Variants in KAZN observed in about 807,000 individuals in gnomAD.
KAZN encodes the protein kazrin, periplakin interacting protein, also known as kazrin.
A neutral mutation model predicts 87.4 loss-of-function variants in KAZN; 40 were observed. That is an observed-to-expected ratio of 0.46 (90% CI 0.36 to 0.60). KAZN has a LOEUF of 0.60. Among genes scored for constraint, KAZN ranks in the 20% least tolerant of loss-of-function variants. The pLI, the probability that KAZN is intolerant of heterozygous loss-of-function variation, is 0.00. For missense variants in KAZN, 898 were observed against 1,073.9 expected (o/e 0.84, Z 2.29); for synonymous variants, 466 against 458.3 (o/e 1.02, Z -0.22).
intron 2 of KAZN, among the ~76,000 whole-genome samples, chr1:14,564,347 G>A (rs886580670): frequency 2.0e-5 from 3 of 152,082 alleles, no homozygotes; most frequent in Non-Finnish European, 4.4e-5. Context: ...CATAGTGCCT[G>A]GAGACAGATC....
rs1397170643 is a variant in KAZN, at chr1:14,599,554, A to G, written c.226+331A>G. On this transcript the variant is annotated intron_variant, in intron 1 of 14. Coordinates refer to ENST00000376030, the MANE Select transcript of KAZN (RefSeq NM_201628.3). The surrounding 1 kb of genome is among the most constrained non-coding windows in gnomAD (Gnocchi z 4.4). ...CCCCCTAGCTCCGTGCAAACTTTTC[A>G]TGCCGGGGCCTTTTCCCCACCCCCC... 6.6e-6 allele frequency among the ~76,000 whole-genome samples: 1 copy of G among 152,040 alleles called. No individual in the cohort carries two copies. The highest frequency in any genetic ancestry group is 6.5e-5 in the Admixed American group (1 of 15,282).
intron 2 of KAZN, among the ~76,000 whole-genome samples, chr1:14,199,737 C>G (rs1230696518): frequency 2.3e-4 from 35 of 152,304 alleles, no homozygotes; most frequent in Non-Finnish European, 1.0e-4. Flanking sequence ...ACCAAGAGAG[C>G]TTGCAGCAAA....
intron 2 of KAZN, among the ~76,000 whole-genome samples, chr1:14,974,404 T>C (rs1665397039): frequency 6.6e-6 from 1 of 152,152 alleles, no homozygotes; most frequent in Non-Finnish European, 1.5e-5. Context: ...TTTTAGGGGA[T>C]TGTAGGTACT....
intron 1 of KAZN, among the ~76,000 whole-genome samples, chr1:14,955,124 G>A (rs558604290): frequency 5.1e-4 from 78 of 152,248 alleles, no homozygotes; most frequent in Non-Finnish European, 6.5e-4. Flanking sequence ...GACAGTGACC[G>A]GCCCAAGGTC....
intron 1 of KAZN, among the ~76,000 whole-genome samples, chr1:14,909,850 C>T (rs1045082495): frequency 3.3e-5 from 5 of 152,016 alleles, no homozygotes; most frequent in Admixed American, 2.6e-4. Context: ...TTCAGGAGTT[C>T]GAGATCAGCG....
chr1:14,755,810 G>A (rs1410883729), intron 1 of KAZN, among the ~76,000 whole-genome samples: 3 of 152,306 alleles, frequency 2.0e-5, no homozygotes, highest in South Asian at 4.1e-4. Flanking sequence ...CTGGCCAAGT[G>A]GAGTGAACAT....
At chr1:14,863,001 G>A (rs1651043415) in intron 1 of KAZN, among the ~76,000 whole-genome samples, 3 of 152,162 alleles carry the variant, frequency 2.0e-5, no homozygotes, top group East Asian at 1.9e-4. Flanking sequence ...GCTGAGATTC[G>A]GTCTTAGGGC....
At chr1:14,145,142 C>T (rs901788656) in intron 1 of KAZN, among the ~76,000 whole-genome samples, 17 of 152,196 alleles carry the variant, frequency 1.1e-4, no homozygotes, top group Non-Finnish European at 2.5e-4. Flanking sequence ...TCAATGTTCT[C>T]TTCCCTTACA....
intron 1 of KAZN, among the ~76,000 whole-genome samples, chr1:13,943,462 A>G (rs1009733): frequency 0.81 from 122,909 of 151,782 alleles, 49,858 homozygotes; most frequent in South Asian, 0.93. Context: ...ATTTTTTAAA[A>G]AAAATAATAA....
chr1:14,237,765 T>A (rs7544219), intron 2 of KAZN, among the ~76,000 whole-genome samples: 15,249 of 152,106 alleles, frequency 0.1, 1,665 homozygotes, highest in African/African-American at 0.26. Flanking sequence ...TCATAGTGGG[T>A]TGAACCAGAG....
At chr1:14,302,017 C>T (rs886537453) in intron 2 of KAZN, among the ~76,000 whole-genome samples, 3 of 152,212 alleles carry the variant, frequency 2.0e-5, no homozygotes, top group Non-Finnish European at 4.4e-5. Context: ...AGGTTTTCCT[C>T]TTCACTATTT....
At chr1:14,235,506 C>CA (rs1176178615) in intron 2 of KAZN, among the ~76,000 whole-genome samples, 1 of 151,994 alleles carries the variant, frequency 6.6e-6, no homozygotes, top group Non-Finnish European at 1.5e-5. Flanking sequence ...TTGGGGATAG[C>CA]AAAAAAGAAG....
At chr1:14,051,804 C>T (rs1457392241) in intron 1 of KAZN, among the ~76,000 whole-genome samples, 1 of 152,130 alleles carries the variant, frequency 6.6e-6, no homozygotes, top group African/African-American at 2.4e-5. Context: ...TGCACCACTT[C>T]ACTCCAGCCT....
intron 2 of KAZN, among the ~76,000 whole-genome samples, chr1:14,384,874 T>C (rs1340750776): frequency 2.6e-5 from 4 of 152,084 alleles, no homozygotes; most frequent in Admixed American, 6.5e-5. Flanking sequence ...TTGATTGGAA[T>C]AGTTTCAGAA....
chr1:14,612,742 G>A (rs1677919003), intron 1 of KAZN, among the ~76,000 whole-genome samples: 2 of 152,142 alleles, frequency 1.3e-5, no homozygotes, highest in African/African-American at 2.4e-5. Context: ...TATGCCAATA[G>A]CAACCCCATT....
At chr1:14,802,790 G>A (rs1646082753) in intron 1 of KAZN, among the ~76,000 whole-genome samples, 1 of 152,170 alleles carries the variant, frequency 6.6e-6, no homozygotes, top group Non-Finnish European at 1.5e-5. Context: ...ACAGGACAAG[G>A]AGCCTGTCAC....
chr1:14,767,604 C>G lies in KAZN; in HGVS notation c.226+168381C>G, dbSNP rs112325889. 4.6e-5 allele frequency among the ~76,000 whole-genome samples: 7 copies of G among 152,340 alleles called. 2 individuals carry two copies. Among genetic ancestry groups the G allele is most frequent in the African/African-American group, 1.4e-4 (6 of 41,576 alleles). ...TAGGTCAAAGAGCTGGACTTGGAAG[C>G]CTGTTCCTCCTGGGAAGCCAGCTTG... is the stretch of plus-strand genomic sequence containing the variant. On this transcript the variant is annotated intron_variant, in intron 1 of 14. Transcript: ENST00000376030.
chr1:14,402,201 A>G (rs1571534223), intron 2 of KAZN, among the ~76,000 whole-genome samples: 1 of 151,566 alleles, frequency 6.6e-6, no homozygotes, highest in Non-Finnish European at 1.5e-5. Flanking sequence ...TAAATACAAA[A>G]CCCACATTTT....
chr1:15,079,776 A>C (rs1639913018), intron 8 of KAZN, among the ~76,000 whole-genome samples: 1 of 152,218 alleles, frequency 6.6e-6, no homozygotes, highest in South Asian at 2.1e-4. Flanking sequence ...GGAGGCCAGC[A>C]GCTGGAGAAA....
Sources: gnomAD v4.1 joint callset for allele counts (sites outside exome capture counted in the v4.1 genomes callset) on GRCh38, gnomAD v4.1.1 for gene constraint, Gnocchi (gnomAD v3.1) non-coding constraint, MANE v1.5 for transcripts, NCBI Gene and HGNC (gene_info 2026-07-23, HGNC 2026-07-21) for gene names.